Variants in MACO1 observed in about 807,000 individuals in gnomAD.
MACO1 encodes the protein macoilin.
A neutral mutation model predicts 78.7 loss-of-function variants in MACO1; 14 were observed. That is an observed-to-expected ratio of 0.18 (90% CI 0.12 to 0.28). The LOEUF (loss-of-function observed/expected upper bound fraction) is 0.28, where lower values mean the gene tolerates loss of function less well. MACO1 is among the 10% of genes least tolerant of loss of function. The pLI, the probability that MACO1 is intolerant of heterozygous loss-of-function variation, is 1.00. For synonymous variants in MACO1, 288 were observed against 291.6 expected (o/e 0.99, Z 0.12); for missense variants, 501 against 799.0 (o/e 0.63, Z 4.50).
intron 3 of MACO1, among the ~76,000 whole-genome samples, chr1:25,450,346 A>G (rs1194731072): frequency 6.6e-6 from 1 of 152,138 alleles, no homozygotes; most frequent in Non-Finnish European, 1.5e-5. Context: ...TTAGAGCTAT[A>G]CTTCTGTCAC....
At chr1:25,480,655 G>A (rs1291147401) in intron 6 of MACO1, among the ~76,000 whole-genome samples, 5 of 151,664 alleles carry the variant, frequency 3.3e-5, no homozygotes, top group Non-Finnish European at 7.4e-5. Flanking sequence ...GGCTGGGCAC[G>A]GTGGCTCACA....
chr1:25,463,180 A>G (rs74063404), intron 6 of MACO1, among the ~76,000 whole-genome samples: 2,209 of 152,250 alleles, frequency 0.015, 53 homozygotes, highest in African/African-American at 0.05. Flanking sequence ...ATATCTCTCT[A>G]CAAAAATAGA....
At chr1:25,464,663 C>G (rs1332203787) in intron 6 of MACO1, among the ~76,000 whole-genome samples, 2 of 95,278 alleles carry the variant, frequency 2.1e-5, no homozygotes, top group Non-Finnish European at 4.9e-5. Context: ...TTCCCCCACC[C>G]CCCCCCTCCG....
intron 8 of MACO1, among the ~76,000 whole-genome samples, chr1:25,487,449 G>C (rs1397109668): frequency 1.3e-5 from 2 of 152,172 alleles, no homozygotes; most frequent in Non-Finnish European, 2.9e-5. Flanking sequence ...CACCACACCA[G>C]GCCTGCCATA....
At chr1:25,442,864 T>C (rs1234733616) in intron 1 of MACO1, among the ~76,000 whole-genome samples, 2 of 152,204 alleles carry the variant, frequency 1.3e-5, no homozygotes, top group Non-Finnish European at 2.9e-5. Context: ...ATATATTATT[T>C]TGGAAAATAT....
chr1:25,434,682 C>A (rs954027198), intron 1 of MACO1, among the ~76,000 whole-genome samples: 1 of 152,128 alleles, frequency 6.6e-6, no homozygotes, highest in Non-Finnish European at 1.5e-5. Context: ...ATGAGGGAGT[C>A]TTTTCTATCT....
At chr1:25,474,900 C>G (rs541642746) in intron 6 of MACO1, among the ~76,000 whole-genome samples, 20 of 152,310 alleles carry the variant, frequency 1.3e-4, no homozygotes, top group African/African-American at 4.8e-4. Context: ...TGCCTCCTCT[C>G]CTGCAGTCAG....
chr1:25,448,613 A>C (rs1308890807), intron 2 of MACO1, among the ~76,000 whole-genome samples, 195 bp from the exon 3 acceptor site: 1 of 152,234 alleles, frequency 6.6e-6, no homozygotes, highest in African/African-American at 2.4e-5. Flanking sequence ...AGTATTCTTT[A>C]ATGTTAAAGT....
chr1:25,493,291 T>G (rs966933904), intron 10 of MACO1, among the ~76,000 whole-genome samples: 2 of 152,194 alleles, frequency 1.3e-5, no homozygotes, highest in African/African-American at 4.8e-5. Context: ...CAGGCTGGAG[T>G]GCAGTGGCAC....
intron 9 of MACO1, 30 bp downstream of exon 9, chr1:25,489,323 A>G (rs201274277): frequency 6.2e-7 from 1 of 1,609,158 alleles, no homozygotes; most frequent in Non-Finnish European, 8.5e-7. Flanking sequence ...CTTCCCTTGT[A>G]TTTGAATTCC....
intron 6 of MACO1, among the ~76,000 whole-genome samples, chr1:25,464,505 C>T (rs530852729): frequency 1.2e-4 from 18 of 151,802 alleles, no homozygotes; most frequent in Non-Finnish European, 1.9e-4. Flanking sequence ...CCATCACACT[C>T]GGCTAATTTT....
At chr1:25,467,476 G>A (rs1355300487) in intron 6 of MACO1, among the ~76,000 whole-genome samples, 1 of 152,124 alleles carries the variant, frequency 6.6e-6, no homozygotes, top group Non-Finnish European at 1.5e-5. Flanking sequence ...TTAACACTTT[G>A]AGTTAACAAA....
rs1557677688 is a variant in MACO1, at chr1:25,491,599, G to A, written c.1792+15G>A. On this transcript the variant is annotated intron_variant, in intron 10 of 10. Coordinates refer to ENST00000374343, the MANE Select transcript of MACO1 (RefSeq NM_018202.6). ...GATTGCCCAAGGTAGGAGAACGTGG[G>A]CCCCTGGTGAGGTGGTGTGACTGAT... 3 of 1,612,240 alleles carry A rather than the reference G, an allele frequency of 1.9e-6. No homozygotes were observed. Among genetic ancestry groups the A allele is most frequent in the Non-Finnish European group, 2.5e-6 (3 of 1,178,456 alleles).
In MACO1 at chr1:25,431,057, G is replaced by A. The variant is rs1472548396; in HGVS notation, c.-42G>A. The A allele has an allele frequency of 6.6e-7, 1 of 1,523,638 alleles. No individual in the cohort carries two copies. The highest frequency in any genetic ancestry group is 2.5e-5 in the East Asian group (1 of 39,944). 94.4% of individuals were successfully genotyped at this position (1,523,638 alleles called of 1,614,324 possible). A position where few individuals can be genotyped will look rare whatever the true frequency, so the allele number is the denominator to read the frequency against. On this transcript the variant is annotated 5_prime_UTR_variant, in exon 1 of 11. Transcript: ENST00000374343. ...AGCGGCGGCGGCAGCTGAGGTGAGAGACGGCGGCGGCGGCGCGGGCACCCG... is the reference window on the plus strand; with the variant it reads ...AGCGGCGGCGGCAGCTGAGGTGAGAAACGGCGGCGGCGGCGCGGGCACCCG...
At chr1:25,472,277 C>T (rs1341129730) in intron 6 of MACO1, among the ~76,000 whole-genome samples, 2 of 152,140 alleles carry the variant, frequency 1.3e-5, no homozygotes, top group East Asian at 1.9e-4. Flanking sequence ...AGGTTTGTTA[C>T]ACAGGTACAT....
intron 6 of MACO1, among the ~76,000 whole-genome samples, chr1:25,466,279 T>A (rs1025123367): frequency 2.0e-5 from 3 of 152,188 alleles, no homozygotes; most frequent in Non-Finnish European, 4.4e-5. Flanking sequence ...CGTGTGTTAT[T>A]TTTTGTCTTT....
At chr1:25,478,215 A>G (rs2043340186) in intron 6 of MACO1, among the ~76,000 whole-genome samples, 1 of 152,204 alleles carries the variant, frequency 6.6e-6, no homozygotes, top group African/African-American at 2.4e-5. Context: ...ACTGCACTCT[A>G]GCCTGGGCGA....
chr1:25,464,338 C>CTTTTTTTTTT (rs71014363), intron 6 of MACO1, among the ~76,000 whole-genome samples: 4 of 80,994 alleles, frequency 4.9e-5, no homozygotes, highest in Non-Finnish European at 6.7e-5. Flanking sequence ...TTTTTCTTCT[C>CTTTTTTTTTT]TTTTTTTTTT....
chr1:25,470,887 G>A (rs775690233), intron 6 of MACO1, among the ~76,000 whole-genome samples: 19 of 152,116 alleles, frequency 1.2e-4, no homozygotes, highest in Non-Finnish European at 2.4e-4. Flanking sequence ...AATTAGCTGG[G>A]CGTGGTGGCA....
Sources: gnomAD v4.1 joint callset for allele counts (sites outside exome capture counted in the v4.1 genomes callset) on GRCh38, gnomAD v4.1.1 for gene constraint, MANE v1.5 for transcripts, NCBI Gene and HGNC (gene_info 2026-07-23, HGNC 2026-07-21) for gene names.